The following PARD3 variants were observed in gnomAD, a reference collection of about 807,000 sequenced individuals.
PARD3 encodes partitioning defective 3 homolog.
A neutral mutation model predicts 155.4 loss-of-function variants in PARD3; 75 were observed. The ratio of observed to expected loss-of-function variants is 0.48; its 90% CI spans 0.40 to 0.58. PARD3 has a LOEUF of 0.58. PARD3 is among the 20% of genes least tolerant of loss of function. The pLI, the probability that PARD3 is intolerant of heterozygous loss-of-function variation, is 0.00. For synonymous variants in PARD3, 576 were observed against 610.5 expected (o/e 0.94, Z 0.83); for missense variants, 1,642 against 1,721.7 (o/e 0.95, Z 0.82).
At chr10:34,390,612 G>A (rs1159503537) in intron 7 of PARD3, among the ~76,000 whole-genome samples, 1 of 152,086 alleles carries the variant, frequency 6.6e-6, no homozygotes, top group African/African-American at 2.4e-5. Context: ...TACTGAGCAA[G>A]GTATCCTTCC....
chr10:34,139,229 G>T (rs933353849), intron 22 of PARD3, among the ~76,000 whole-genome samples: 1 of 152,206 alleles, frequency 6.6e-6, no homozygotes, highest in African/African-American at 2.4e-5. Flanking sequence ...TATACTCAAA[G>T]ATCCTATTTT....
chr10:34,415,817 G>A (rs1456683511), intron 5 of PARD3, among the ~76,000 whole-genome samples: 2 of 152,270 alleles, frequency 1.3e-5, no homozygotes, highest in East Asian at 1.9e-4. Flanking sequence ...TGTTTTACAA[G>A]TATACCTATT....
intron 2 of PARD3, among the ~76,000 whole-genome samples, chr10:34,650,654 T>C (rs1590407183): frequency 1.3e-5 from 2 of 152,198 alleles, no homozygotes; most frequent in African/African-American, 4.8e-5. Flanking sequence ...AAGGTACACA[T>C]TGCCAGCACT....
intron 12 of PARD3, among the ~76,000 whole-genome samples, chr10:34,361,834 A>G (rs1407014146): frequency 1.3e-5 from 2 of 151,570 alleles, no homozygotes; most frequent in African/African-American, 4.8e-5. Flanking sequence ...TAATGGGTTA[A>G]AAAAAAAATT....
chr10:34,814,861 C>T lies in PARD3; in HGVS notation c.120+15G>A, dbSNP rs1395249593. 3 of 1,494,800 alleles carry T rather than the reference C, an allele frequency of 2.0e-6. No individual in the cohort carries two copies. Among genetic ancestry groups the T allele is most frequent in the East Asian group, 2.8e-5 (1 of 36,350 alleles). 92.6% of individuals were successfully genotyped at this position (1,494,800 alleles called of 1,614,324 possible). A position where few individuals can be genotyped will look rare whatever the true frequency, so the allele number is the denominator to read the frequency against. Reference sequence around the variant, plus strand: ...CGCCGCCGCCCCCTCCCCGCCCGCGCCCCCGGCCCCTCACCTTGGCGATGG... The same window carrying T: ...CGCCGCCGCCCCCTCCCCGCCCGCGTCCCCGGCCCCTCACCTTGGCGATGG... On this transcript the variant is annotated intron_variant, in intron 1 of 24. Transcript: ENST00000374788.
At chr10:34,549,225 C>T (rs1379770186) in intron 2 of PARD3, among the ~76,000 whole-genome samples, 1 of 152,192 alleles carries the variant, frequency 6.6e-6, no homozygotes, top group Non-Finnish European at 1.5e-5. Context: ...TGTGTTTCAA[C>T]AGAACTTGGG....
chr10:34,734,970 T>C (rs1332609362), intron 1 of PARD3, among the ~76,000 whole-genome samples: 1 of 139,934 alleles, frequency 7.1e-6, no homozygotes, highest in South Asian at 2.4e-4. Context: ...AAAGTTACTA[T>C]TACAAAGGGC....
intron 17 of PARD3, among the ~76,000 whole-genome samples, chr10:34,336,548 G>C (rs1836209958): frequency 6.6e-6 from 1 of 151,886 alleles, no homozygotes; most frequent in African/African-American, 2.4e-5. Flanking sequence ...TTTTAGTCTT[G>C]GAATACAAAC....
chr10:34,145,189 G>GTGTA (rs1420164054), intron 22 of PARD3, among the ~76,000 whole-genome samples: 8 of 49,622 alleles, frequency 1.6e-4, no homozygotes, highest in African/African-American at 3.3e-4. Context: ...GTGTGTGTGT[G>GTGTA]TATATATATA....
intron 2 of PARD3, among the ~76,000 whole-genome samples, chr10:34,519,036 A>G (rs1281619571): frequency 6.6e-6 from 1 of 152,190 alleles, no homozygotes; most frequent in African/African-American, 2.4e-5. Flanking sequence ...ACGTCCATCT[A>G]ATCGTGAGGA....
chr10:34,734,984 T>C (rs1564561374), intron 1 of PARD3, among the ~76,000 whole-genome samples: 3 of 128,940 alleles, frequency 2.3e-5, no homozygotes, highest in Non-Finnish European at 3.3e-5. Flanking sequence ...AAAGGGCTTA[T>C]GGGAAAAAAA....
chr10:34,317,367 C>T (rs758612779), intron 19 of PARD3, 29 bp from the exon 20 acceptor site: 8 of 1,568,604 alleles, frequency 5.1e-6, no homozygotes, highest in Admixed American at 4.0e-5. Context: ...AAAATAGGGA[C>T]ACAGTGAACC....
intron 2 of PARD3, among the ~76,000 whole-genome samples, chr10:34,597,632 T>C (rs1006650491): frequency 3.3e-5 from 5 of 152,196 alleles, no homozygotes; most frequent in South Asian, 2.1e-4. Flanking sequence ...CTTTGCCATA[T>C]TGAAAACATT....
intron 1 of PARD3, among the ~76,000 whole-genome samples, chr10:34,755,188 G>C (rs371738854): frequency 2.6e-5 from 4 of 151,730 alleles, no homozygotes; most frequent in African/African-American, 9.7e-5. Context: ...GATCACTTGA[G>C]GTCAGGAGCT....
intron 2 of PARD3, among the ~76,000 whole-genome samples, chr10:34,673,351 G>C (rs545532155): frequency 3.9e-5 from 6 of 152,090 alleles, no homozygotes; most frequent in Non-Finnish European, 8.8e-5. Context: ...TGAGTACTGT[G>C]ATATGCACAT....
Position 34,692,391 on chromosome 10 carries a change from A to C in PARD3, c.222+3927T>G, listed in dbSNP as rs1275713829. ...CAGCAAAAACAATTGCAACAAAAACAAAAATTGACAAATGGGACCTAATTA... is the reference window on the plus strand; with the variant it reads ...CAGCAAAAACAATTGCAACAAAAACCAAAATTGACAAATGGGACCTAATTA... On this transcript the variant is annotated intron_variant, in intron 2 of 24. Transcript: ENST00000374788. Among the ~76,000 whole-genome samples the C allele has an allele frequency of 2.0e-5, 3 of 152,334 alleles. No homozygotes were observed. In the East Asian group the frequency reaches 5.8e-4, roughly 29 times the overall value.
At chr10:34,183,912 G>A (rs1439908497) in intron 22 of PARD3, among the ~76,000 whole-genome samples, 3 of 152,146 alleles carry the variant, frequency 2.0e-5, no homozygotes, top group Admixed American at 1.3e-4. Flanking sequence ...TCCAGTCATC[G>A]GAGCCATATC....
chr10:34,321,447 T>C (rs1404546146), intron 19 of PARD3, among the ~76,000 whole-genome samples: 1 of 152,212 alleles, frequency 6.6e-6, no homozygotes, highest in African/African-American at 2.4e-5. Context: ...GCAGATACCC[T>C]ACACAAAGAG....
At chr10:34,808,420 G>C (rs562029059) in intron 1 of PARD3, among the ~76,000 whole-genome samples, 1 of 152,220 alleles carries the variant, frequency 6.6e-6, no homozygotes, top group African/African-American at 2.4e-5. Context: ...TTTTGATAAA[G>C]ATTTGCTTTT....
Sources: allele counts gnomAD v4.1 joint callset (sites outside exome capture counted in the v4.1 genomes callset), GRCh38; gene constraint gnomAD v4.1.1; transcripts MANE v1.5; gene names NCBI Gene and HGNC (gene_info 2026-07-23, HGNC 2026-07-21).